TLN2: variants seen among roughly 807,000 people sequenced by gnomAD.
The protein encoded by TLN2 is talin 2.
TLN2 carries 118 observed loss-of-function variants against 294.7 expected under a neutral mutation model. The observed-to-expected ratio is 0.40, with a 90% confidence interval of 0.34 to 0.47. The LOEUF is 0.47. Ranked by LOEUF, TLN2 falls within the 20% of genes least tolerant of loss-of-function variation. The probability of loss-of-function intolerance (pLI) is 0.84; values close to 1 mark genes in which losing one functional copy is unlikely to be tolerated. For missense variants in TLN2, 3,083 were observed against 3,282.2 expected (o/e 0.94, Z 1.48); for synonymous variants, 1,431 against 1,304.5 (o/e 1.10, Z -2.09).
In TLN2 at chr15:62,669,763, C is replaced by T. The variant is rs74582993; in HGVS notation, c.789-4064C>T. On this transcript the variant is annotated intron_variant, in intron 9 of 58. Coordinates refer to ENST00000636159, the MANE Select transcript of TLN2 (RefSeq NM_015059.3). ...AACAACAACTGAGCTGGAACTACTG[C>T]GCTGCTGGCTGGCAGGCCTTGATGA... Among the ~76,000 whole-genome samples the T allele has an allele frequency of 8.5e-3, 1,299 of 152,324 alleles. 8 individuals are homozygous for T. The highest frequency in any genetic ancestry group is 0.02 in the Middle Eastern group (6 of 294).
intron 54 of TLN2, among the ~76,000 whole-genome samples, chr15:62,825,847 ATATATTATATATATATATATTT>A: frequency 1.2e-5 from 1 of 81,606 alleles, no homozygotes; most frequent in South Asian, 3.8e-4. Context: ...ATATATATAA[ATATATTATATATATATATATTT>A]ATATATATAT....
intron 13 of TLN2, 60 bp from the exon 14 acceptor site, chr15:62,694,256 C>T (rs533314865): frequency 4.1e-5 from 62 of 1,503,132 alleles, no homozygotes; most frequent in Middle Eastern, 1.7e-4. Flanking sequence ...GGATTAGAGG[C>T]GTGAGCCACC....
At chr15:62,545,514 T>TTTTGTG (rs994476725) in intron 1 of TLN2, among the ~76,000 whole-genome samples, 1 of 145,944 alleles carries the variant, frequency 6.9e-6, no homozygotes, top group African/African-American at 2.5e-5. Context: ...TTCTTTCTCT[T>TTTTGTG]TGTGTGTGTG....
chr15:62,481,590 G>T (rs2038092389), intron 1 of TLN2, among the ~76,000 whole-genome samples: 1 of 151,898 alleles, frequency 6.6e-6, no homozygotes, highest in Admixed American at 6.6e-5. Flanking sequence ...TAGAACTCTG[G>T]GCTCACACGA....
intron 1 of TLN2, among the ~76,000 whole-genome samples, chr15:62,525,010 C>A (rs1377899335): frequency 5.3e-5 from 8 of 152,194 alleles, no homozygotes; most frequent in Non-Finnish European, 1.2e-4. Context: ...TGGAGCTCAT[C>A]CTCATAGTCA....
chr15:62,510,047 TG>T (rs2039849160), intron 1 of TLN2, among the ~76,000 whole-genome samples: 1 of 152,242 alleles, frequency 6.6e-6, no homozygotes, highest in Non-Finnish European at 1.5e-5. Context: ...TTAAGACAAT[TG>T]GGATCTTCCC....
intron 9 of TLN2, among the ~76,000 whole-genome samples, chr15:62,665,441 G>A (rs2054499760): frequency 6.6e-6 from 1 of 152,184 alleles, no homozygotes; most frequent in Non-Finnish European, 1.5e-5. Flanking sequence ...TTTAACACAT[G>A]GCAAAGGCAA....
At chr15:62,449,580 G>A (rs1373272439) in intron 1 of TLN2, among the ~76,000 whole-genome samples, 1 of 152,084 alleles carries the variant, frequency 6.6e-6, no homozygotes, top group Non-Finnish European at 1.5e-5. Context: ...AGCACTTTGG[G>A]AGGCCGAGAC....
intron 42 of TLN2, among the ~76,000 whole-genome samples, chr15:62,772,768 T>G (rs999629284): frequency 4.6e-5 from 7 of 152,172 alleles, no homozygotes; most frequent in Middle Eastern, 3.4e-3. Flanking sequence ...GTTCAAGTGA[T>G]TCTCCTGCCT....
At chr15:62,426,537 C>G (rs2034719733) in intron 1 of TLN2, among the ~76,000 whole-genome samples, 1 of 152,208 alleles carries the variant, frequency 6.6e-6, no homozygotes, top group South Asian at 2.1e-4. Context: ...CCAGACAGAC[C>G]TCAGCCTGGT....
At chr15:62,595,335 G>A (rs561796811) in intron 2 of TLN2, among the ~76,000 whole-genome samples, 1 of 147,776 alleles carries the variant, frequency 6.8e-6, no homozygotes, top group East Asian at 2.0e-4. Context: ...CAGGAGAATC[G>A]CTTGAACCTG....
intron 2 of TLN2, among the ~76,000 whole-genome samples, chr15:62,598,245 CT>C (rs1392771476): frequency 6.6e-6 from 1 of 152,144 alleles, no homozygotes; most frequent in African/African-American, 2.4e-5. Context: ...GTGGGAAGTG[CT>C]TCTTGGATCC....
chr15:62,681,972 C>T (rs1248939607), intron 11 of TLN2, among the ~76,000 whole-genome samples: 1 of 152,108 alleles, frequency 6.6e-6, no homozygotes, highest in Non-Finnish European at 1.5e-5. Flanking sequence ...TCAGTCTGGT[C>T]TTGAGCTCCT....
intron 32 of TLN2, among the ~76,000 whole-genome samples, chr15:62,747,133 C>T (rs750249071): frequency 5.3e-5 from 8 of 152,142 alleles, no homozygotes; most frequent in African/African-American, 7.2e-5. Flanking sequence ...AAGTTAACTA[C>T]GAATGGCCAT....
At chr15:62,711,166 A>C (rs1457345543) in intron 21 of TLN2, among the ~76,000 whole-genome samples, 2 of 152,164 alleles carry the variant, frequency 1.3e-5, no homozygotes, top group Non-Finnish European at 2.9e-5. Flanking sequence ...CCTTTGCTAG[A>C]GGAAGATTTC....
chr15:62,405,080 A>C (rs1254294332), intron 1 of TLN2, among the ~76,000 whole-genome samples: 6 of 152,154 alleles, frequency 3.9e-5, no homozygotes, highest in African/African-American at 1.4e-4. Context: ...TAGGGAAAGA[A>C]CTGAGGCTCA....
At chr15:62,467,164 C>T (rs2037180246) in intron 1 of TLN2, among the ~76,000 whole-genome samples, 1 of 152,174 alleles carries the variant, frequency 6.6e-6, no homozygotes, top group African/African-American at 2.4e-5. Context: ...AGCCCCATAC[C>T]AGGAGGCCGG....
At position 62,807,873 on chromosome 15, in the gene TLN2, C is replaced by T. The variant is rs56113703; in HGVS notation, c.6664-2052C>T. Among the ~76,000 whole-genome samples, 52 of 152,326 alleles carry T rather than the reference C, an allele frequency of 3.4e-4. 1 individual carries two copies. The highest frequency in any genetic ancestry group is 9.9e-4 in the African/African-American group (41 of 41,572). On this transcript the variant is annotated intron_variant, in intron 51 of 58. Transcript: ENST00000636159. ...TCCTGTTAGGATAGGACTGACTTAG[C>T]GAACTCACTAACATTTCCATTTCCC...
At chr15:62,412,882 C>G (rs1009354898) in intron 1 of TLN2, among the ~76,000 whole-genome samples, 7 of 152,218 alleles carry the variant, frequency 4.6e-5, no homozygotes, top group Non-Finnish European at 8.8e-5. Context: ...TAAAGGCCTG[C>G]TGTGCTAGAC....
Sources: gnomAD v4.1 joint callset for allele counts (sites outside exome capture counted in the v4.1 genomes callset) on GRCh38, gnomAD v4.1.1 for gene constraint, MANE v1.5 for transcripts, NCBI Gene and HGNC (gene_info 2026-07-23, HGNC 2026-07-21) for gene names.